The following VEPH1 variants were observed in gnomAD, a reference collection of about 807,000 sequenced individuals.
VEPH1 encodes the protein ventricular zone-expressed PH domain-containing protein homolog 1.
In VEPH1, 80 loss-of-function variants were observed where a neutral mutation model predicts 85.2. The observed-to-expected ratio is 0.94, with a 90% confidence interval of 0.78 to 1.13. VEPH1 has a LOEUF of 1.13. VEPH1 is among the 50% of genes most tolerant of loss of function. VEPH1 has a pLI of 0.00. For synonymous variants in VEPH1, 297 were observed against 348.0 expected (o/e 0.85, Z 1.63); for missense variants, 955 against 980.5 (o/e 0.97, Z 0.35).
intron 6 of VEPH1, among the ~76,000 whole-genome samples, chr3:157,394,603 C>T (rs184333412): frequency 1.3e-5 from 2 of 152,232 alleles, no homozygotes; most frequent in African/African-American, 2.4e-5. Flanking sequence ...CTGTGGGAAG[C>T]CTCAGGGAGC....
At chr3:157,462,458 G>A (rs1021166978) in intron 3 of VEPH1, among the ~76,000 whole-genome samples, 5 of 152,124 alleles carry the variant, frequency 3.3e-5, no homozygotes, top group African/African-American at 1.2e-4. Context: ...CACAGTGGTG[G>A]AGTCAATGCA....
rs180713465 is a variant in VEPH1, at chr3:157,345,476, T to C, written c.1735+17888A>G. Among the ~76,000 whole-genome samples, 186 of 152,268 alleles carry C rather than the reference T, an allele frequency of 1.2e-3. 1 individual carries two copies. Among genetic ancestry groups the C allele is most frequent in the African/African-American group, 3.9e-3 (161 of 41,562 alleles). On this transcript the variant is annotated intron_variant, in intron 9 of 13. Transcript: ENST00000362010. ...AGAGAAAGGCAAATCAAAACCACAA[T>C]GAGATATCATCTCACACCAGTTAGA... is the stretch of plus-strand genomic sequence containing the variant.
rs1188484210 is a variant in VEPH1 at position 157,428,458 on chromosome 3, G to A, written c.560C>T (p.Ala187Val). The change falls in exon 5 of 14, where the codon GCT (alanine) becomes GTT (valine). Residue 187 changes from alanine to valine, a missense_variant. Transcript: ENST00000362010. ...TGGCTGAGGCTGCTTTTCATACACA[G>A]CAGGTAACACTCTCAACAACATGGT... is the stretch of plus-strand genomic sequence containing the variant. Reference protein sequence around the residue: ...GNTMLLRVLPAVYEKQPQPIN... With the variant: ...GNTMLLRVLPVVYEKQPQPIN... The A allele has an allele frequency of 6.2e-7, 1 of 1,613,824 alleles. No homozygotes were observed. The highest frequency in any genetic ancestry group is 8.5e-7 in the Non-Finnish European group (1 of 1,179,982).
chr3:157,436,779 C>G, intron 4 of VEPH1: 1 of 726,248 alleles, frequency 1.4e-6, no homozygotes, highest in South Asian at 2.1e-5. Context: ...CGCAGTGCCA[C>G]CAGCATTACT....
At position 157,461,968 on chromosome 3, in the gene VEPH1, A is replaced by C. The variant is rs1735916882; in HGVS notation, c.355-1613T>G. ...TCAAGAGATATCATTTAAAAAGTGA[A>C]AAGATAATCCAAAGAGTGAAAGAAG... On this transcript the variant is annotated intron_variant, in intron 3 of 13. Transcript: ENST00000362010. Among the ~76,000 whole-genome samples, 3 of 151,578 alleles carry C rather than the reference A, an allele frequency of 2.0e-5. No homozygotes were observed. The South Asian group carries it at 6.2e-4, about 31-fold the overall frequency.
Position 157,259,993 on chromosome 3 carries a change from A to G in VEPH1, c.*1141T>C, listed in dbSNP as rs1231073937. 6.6e-6 allele frequency: 1 copy of G among 152,170 alleles called. No homozygotes were observed. The highest frequency in any genetic ancestry group is 1.5e-5 in the Non-Finnish European group (1 of 68,022). 9.4% of individuals were successfully genotyped at this position (152,170 alleles called of 1,614,324 possible). On this transcript the variant is annotated 3_prime_UTR_variant, in exon 14 of 14. Transcript: ENST00000362010. ...AGGCTAATAGGAGAGAGAGTCTCTG[A>G]CTGGTTCACTCTCTTTTAAAGGACT...
chr3:157,331,443 T>C (rs1722496858), intron 9 of VEPH1, among the ~76,000 whole-genome samples: 1 of 152,236 alleles, frequency 6.6e-6, no homozygotes, highest in African/African-American at 2.4e-5. Context: ...TTCAGCCCCA[T>C]GCATGCCTTG....
intron 3 of VEPH1, among the ~76,000 whole-genome samples, chr3:157,466,148 C>T (rs1246887035): frequency 6.6e-6 from 1 of 151,776 alleles, no homozygotes. Context: ...TGTTTTTATC[C>T]TAGAACGTAA....
chr3:157,353,254 G>A (rs1257571113), intron 9 of VEPH1, among the ~76,000 whole-genome samples: 2 of 150,900 alleles, frequency 1.3e-5, no homozygotes, highest in Non-Finnish European at 1.5e-5. Context: ...TTCTCTGCCT[G>A]CACCCCCAAT....
intron 7 of VEPH1, among the ~76,000 whole-genome samples, chr3:157,368,105 C>T (rs981919508): frequency 2.6e-5 from 4 of 152,134 alleles, no homozygotes; most frequent in African/African-American, 4.8e-5. Flanking sequence ...ACTTAACTCA[C>T]GGGGTTGGTA....
At chr3:157,343,370 A>C (rs1043622701) in intron 9 of VEPH1, among the ~76,000 whole-genome samples, 4 of 152,228 alleles carry the variant, frequency 2.6e-5, no homozygotes, top group Non-Finnish European at 5.9e-5. Flanking sequence ...ACAGAAATAC[A>C]AACTACCATC....
chr3:157,335,127 T>A (rs1722842417), intron 9 of VEPH1, among the ~76,000 whole-genome samples: 1 of 152,170 alleles, frequency 6.6e-6, no homozygotes, highest in Non-Finnish European at 1.5e-5. Context: ...AAAAAGCTGC[T>A]GTCAAAAAGC....
intron 6 of VEPH1, among the ~76,000 whole-genome samples, chr3:157,382,114 C>G (rs964739846): frequency 6.6e-6 from 1 of 152,202 alleles, no homozygotes; most frequent in Non-Finnish European, 1.5e-5. Flanking sequence ...CACTAGTGTG[C>G]TAGGTTGATT....
At chr3:157,386,250 C>CAAA (rs71302265) in intron 6 of VEPH1, among the ~76,000 whole-genome samples, 6,919 of 38,484 alleles carry the variant, frequency 0.18, 572 homozygotes, top group South Asian at 0.26. Context: ...AATGGTTCCA[C>CAAA]AAAAAAAAAA....
intron 11 of VEPH1, among the ~76,000 whole-genome samples, chr3:157,293,353 A>G (rs1291364639): frequency 1.3e-5 from 2 of 152,182 alleles, no homozygotes; most frequent in African/African-American, 4.8e-5. Flanking sequence ...CGAGGTACAC[A>G]TGACTATATG....
Position 157,460,233 on chromosome 3 carries a change from C to G in VEPH1, c.477G>C (p.Lys159Asn), listed in dbSNP as rs768715887. Residue 159 changes from lysine (K) to asparagine (N), a missense_variant, in exon 4 of 14, where the codon AAG (lysine) becomes AAC (asparagine). Coordinates refer to ENST00000362010, the MANE Select transcript of VEPH1 (RefSeq NM_001167912.2). The part of the protein sequence containing the change: ...SNYLSLAAIT[K>N]ADLLADHTEV... ...CCGTGTGATCAGCCAGGAGATCTGC[C>G]TTGGTAATTGCAGCCAGAGACAGGT... is the stretch of plus-strand genomic sequence containing the variant. The G allele has an allele frequency of 6.2e-7, 1 of 1,614,160 alleles. No individual in the cohort carries two copies. The highest frequency in any genetic ancestry group is 1.6e-4 in the Middle Eastern group (1 of 6,062).
chr3:157,357,397 T>C (rs557357696), intron 9 of VEPH1, among the ~76,000 whole-genome samples: 1 of 152,348 alleles, frequency 6.6e-6, no homozygotes, highest in East Asian at 1.9e-4. Context: ...CACTGTTTTC[T>C]AGTCAGATGA....
intron 2 of VEPH1, chr3:157,489,480 A>G (rs1739012236): frequency 5.1e-6 from 1 of 197,792 alleles, no homozygotes; most frequent in Admixed American, 5.4e-5. Flanking sequence ...CCAGGTACCC[A>G]AAAGTATTGC....
At chr3:157,463,854 G>T (rs1054938049) in intron 3 of VEPH1, among the ~76,000 whole-genome samples, 5 of 152,178 alleles carry the variant, frequency 3.3e-5, no homozygotes, top group African/African-American at 1.2e-4. Context: ...ACAAAATCAG[G>T]TCAGAGCAGA....
Sources: gnomAD v4.1 joint callset for allele counts (sites outside exome capture counted in the v4.1 genomes callset) on GRCh38, gnomAD v4.1.1 for gene constraint, MANE v1.5 for transcripts, NCBI Gene and HGNC (gene_info 2026-07-23, HGNC 2026-07-21) for gene names.